The following ERICH1 variants were observed in gnomAD, a reference collection of about 807,000 sequenced individuals.
ERICH1 encodes glutamate-rich protein 1.
In ERICH1, 56 loss-of-function variants were observed where a neutral mutation model predicts 39.6. The observed-to-expected ratio is 1.41, with a 90% CI of 1.14 to 1.77. The LOEUF (loss-of-function observed/expected upper bound fraction) is 1.77, where lower values mean the gene tolerates loss of function less well. Among genes scored for constraint, ERICH1 ranks in the 40% most tolerant of loss-of-function variants. ERICH1 has a pLI of 0.00. For missense variants in ERICH1, 826 were observed against 575.4 expected (o/e 1.44, Z -4.45); for synonymous variants, 313 against 223.6 (o/e 1.40, Z -3.57).
downstream of ERICH1, among the ~76,000 whole-genome samples, chr8:660,555 C>A (rs772525693): frequency 6.6e-6 from 1 of 152,192 alleles, no homozygotes; most frequent in African/African-American, 2.4e-5. Context: ...GGTCCCAGCC[C>A]GGGCTGTACT....
rs1799872627 is a variant in ERICH1 at position 650,983 on chromosome 8, G to A, written c.976+17615C>T. 3.3e-5 allele frequency among the ~76,000 whole-genome samples: 5 copies of A among 152,186 alleles called. No homozygotes were observed. The South Asian group carries it at 8.3e-4, about 25-fold the overall frequency. On this transcript the variant is annotated intron_variant, in intron 3 of 3. Transcript: ENST00000522706. ...CAAATGACAGCAGATACGAATCACC[G>A]AAGCCAGGCAGAACACCCCTCGTTC... is the stretch of plus-strand genomic sequence containing the variant.
intron 3 of ERICH1, among the ~76,000 whole-genome samples, chr8:620,096 G>A (rs561396043): frequency 6.6e-5 from 10 of 151,860 alleles, no homozygotes; most frequent in South Asian, 2.1e-4. Flanking sequence ...GGTGGATCAC[G>A]AGGTCAGGAG....
intron 3 of ERICH1, among the ~76,000 whole-genome samples, chr8:644,321 T>C (rs1404169963): frequency 1.3e-5 from 2 of 152,266 alleles, no homozygotes; most frequent in African/African-American, 4.8e-5. Context: ...CATCGTCTCT[T>C]TGTAAGTTCA....
At chr8:663,548 C>T (rs976721372), downstream of ERICH1, among the ~76,000 whole-genome samples, 4 of 151,804 alleles carry the variant, frequency 2.6e-5, no homozygotes, top group African/African-American at 7.3e-5. Context: ...GCAGGACAGG[C>T]GGGACAGGGC....
At chr8:623,925 T>C (rs1451934164) in intron 3 of ERICH1, among the ~76,000 whole-genome samples, 1 of 152,160 alleles carries the variant, frequency 6.6e-6, no homozygotes, top group East Asian at 1.9e-4. Context: ...ATTAAAACTT[T>C]TTTGTTGCAA....
downstream of ERICH1, chr8:664,158 C>T (rs904512050): frequency 4.0e-5 from 33 of 819,288 alleles, no homozygotes; most frequent in Non-Finnish European, 4.4e-5. Flanking sequence ...TGATATGATT[C>T]ACAAAGTAGA....
At chr8:622,827 G>A (rs956534326) in intron 3 of ERICH1, among the ~76,000 whole-genome samples, 1 of 151,874 alleles carries the variant, frequency 6.6e-6, no homozygotes, top group Non-Finnish European at 1.5e-5. Flanking sequence ...GTGTAGTGGT[G>A]CACACCTGTG....
rs564423159 is a variant in ERICH1, at chr8:689,314, T to G, written c.304+3164A>C. ...TTAGTAGAGACAGGGTTTCGCCATG[T>G]TGGCCAGGCTGTTCTCAAACTCCTG... On this transcript the variant is annotated intron_variant, in intron 3 of 5. Transcript: ENST00000262109. Among the ~76,000 whole-genome samples, 6 of 152,382 alleles carry G rather than the reference T, an allele frequency of 3.9e-5. No individual in the cohort carries two copies. In the East Asian group the frequency reaches 1.2e-3, roughly 29 times the overall value.
rs140581023 is a variant in ERICH1 at position 673,669 on chromosome 8, T to A, written c.683A>T (p.Asp228Val). 975 of 1,613,376 alleles carry A rather than the reference T, an allele frequency of 6.0e-4. 8 individuals carry two copies. The African/African-American group carries it at 0.011, about 19-fold the overall frequency. ...PTLAGEEDVK[D>V]TREEDGADAS... ...GTCCGCACCATCTTCCTCCCTGGTA[T>A]CTTTAACGTCTTCCTCCCCGGCCAG... Residue 228 changes from aspartate (D) to valine (V), a missense_variant, in exon 4 of 6, where the codon GAT (aspartate) becomes GTT (valine). Asp to Val is a radical substitution (Grantham distance 152, BLOSUM62 -3). Transcript: ENST00000262109.
chr8:640,658 G>T (rs1406937560), intron 3 of ERICH1: 1 of 152,238 alleles, frequency 6.6e-6, no homozygotes, highest in Non-Finnish European at 1.5e-5. Context: ...CACGCCAGGT[G>T]ATGAGTGGCA....
chr8:701,180 G>A (rs1199244238), intron 2 of ERICH1, among the ~76,000 whole-genome samples: 1 of 152,272 alleles, frequency 6.6e-6, no homozygotes, highest in African/African-American at 2.4e-5. Context: ...TGCCCCGCCA[G>A]ACGGGAGCAC....
Position 627,725 on chromosome 8 carries a change from G to C in ERICH1, c.977-12441C>G, listed in dbSNP as rs148805758. 5.6e-3 allele frequency among the ~76,000 whole-genome samples: 850 copies of C among 152,324 alleles called. 7 individuals carry two copies. The highest frequency in any genetic ancestry group is 0.019 in the African/African-American group (790 of 41,584). ...CCCCAGGGCTCCTCTTGGCCTGAGA[G>C]TTCCATGTTCAGCCGCAGGGGAGTT... is the stretch of plus-strand genomic sequence containing the variant. On this transcript the variant is annotated intron_variant, in intron 3 of 3. Transcript: ENST00000522706.
At chr8:716,742 A>G (rs948223121) in intron 1 of ERICH1, among the ~76,000 whole-genome samples, 4 of 152,184 alleles carry the variant, frequency 2.6e-5, no homozygotes, top group Non-Finnish European at 5.9e-5. Context: ...GCACTCCTGA[A>G]ACAACTGCCT....
At chr8:649,493 G>A (rs112939970) in intron 3 of ERICH1, among the ~76,000 whole-genome samples, 71 of 152,200 alleles carry the variant, frequency 4.7e-4, no homozygotes, top group Admixed American at 1.7e-3. Context: ...TGTATCCTGT[G>A]CATTGTGGAA....
At chr8:621,514 AAAATAATT>A (rs1181812712) in intron 3 of ERICH1, among the ~76,000 whole-genome samples, 3 of 151,626 alleles carry the variant, frequency 2.0e-5, no homozygotes, top group African/African-American at 4.8e-5. Flanking sequence ...TTAAATAATT[AAAATAATT>A]AAATAATTAA....
chr8:731,089 C>A, intron 1 of ERICH1, 51 bp downstream of exon 1: 2 of 1,414,730 alleles, frequency 1.4e-6, no homozygotes. Context: ...GCGGTCTGAG[C>A]CGAGAGCCGG....
At chr8:678,782 T>C (rs1366112565) in intron 3 of ERICH1, among the ~76,000 whole-genome samples, 1 of 152,160 alleles carries the variant, frequency 6.6e-6, no homozygotes, top group Non-Finnish European at 1.5e-5. Flanking sequence ...CACTCCAGCC[T>C]GGGTGACAGC....
intron 4 of ERICH1, 180 bp from the exon 5 acceptor site, chr8:668,972 G>A: frequency 1.6e-6 from 1 of 623,622 alleles, no homozygotes; most frequent in Non-Finnish European, 2.7e-6. Flanking sequence ...AAATACCACT[G>A]CATGAACGAC....
At chr8:635,690 C>G (rs1250006133) in intron 3 of ERICH1, among the ~76,000 whole-genome samples, 1 of 152,228 alleles carries the variant, frequency 6.6e-6, no homozygotes, top group Non-Finnish European at 1.5e-5. Context: ...GCTTCCCAAG[C>G]AGGGTCCCTG....
Sources: allele counts gnomAD v4.1 joint callset (sites outside exome capture counted in the v4.1 genomes callset), GRCh38; gene constraint gnomAD v4.1.1; transcripts MANE v1.5; gene names NCBI Gene and HGNC (gene_info 2026-07-23, HGNC 2026-07-21).